The following PPFIA2 variants were observed in gnomAD, a reference collection of about 807,000 sequenced individuals.
PPFIA2 encodes PPFI scaffold protein A2, also known as liprin-alpha-2.
Under a neutral mutation model 175.5 loss-of-function variants are expected in PPFIA2, and 46 were observed. That is an observed-to-expected ratio of 0.26 (90% CI 0.21 to 0.34). The LOEUF (loss-of-function observed/expected upper bound fraction) is 0.34. Ranked by LOEUF, PPFIA2 falls within the 10% of genes least tolerant of loss-of-function variation. The pLI is 1.00. For synonymous variants in PPFIA2, 568 were observed against 511.4 expected (o/e 1.11, Z -1.49); for missense variants, 1,179 against 1,506.1 (o/e 0.78, Z 3.60).
chr12:81,595,098 G>C (rs549319297), intron 4 of PPFIA2, among the ~76,000 whole-genome samples: 6 of 151,964 alleles, frequency 3.9e-5, no homozygotes, highest in Admixed American at 3.9e-4. Context: ...AACACATTAA[G>C]TCATGATTAA....
intron 3 of PPFIA2, among the ~76,000 whole-genome samples, chr12:81,699,310 C>T (rs1208154246): frequency 6.6e-6 from 1 of 151,676 alleles, no homozygotes; most frequent in East Asian, 1.9e-4. Flanking sequence ...AAACATTATA[C>T]CAAATTATTT....
intron 31 of PPFIA2, among the ~76,000 whole-genome samples, chr12:81,262,650 T>C (rs2035993695): frequency 6.6e-6 from 1 of 152,234 alleles, no homozygotes; most frequent in South Asian, 2.1e-4. Context: ...TGACTTTTCT[T>C]TTGTAAATTA....
chr12:81,632,049 T>C (rs539363455), intron 4 of PPFIA2, among the ~76,000 whole-genome samples: 28 of 152,304 alleles, frequency 1.8e-4, no homozygotes, highest in African/African-American at 6.3e-4. Context: ...TTATAAACCA[T>C]TAACATATAC....
intron 4 of PPFIA2, among the ~76,000 whole-genome samples, chr12:81,538,776 A>T (rs1432060634): frequency 6.6e-6 from 1 of 151,896 alleles, no homozygotes; most frequent in Non-Finnish European, 1.5e-5. Flanking sequence ...AGGTGAAGTC[A>T]GAGCATGAGT....
intron 5 of PPFIA2, among the ~76,000 whole-genome samples, chr12:81,453,156 C>A (rs1332773567): frequency 8.3e-6 from 1 of 121,006 alleles, no homozygotes; most frequent in Non-Finnish European, 1.7e-5. Flanking sequence ...TCCCCCCACC[C>A]CACCACAGTC....
At chr12:81,727,292 C>A (rs891366765) in intron 3 of PPFIA2, among the ~76,000 whole-genome samples, 1 of 151,304 alleles carries the variant, frequency 6.6e-6, no homozygotes, top group Admixed American at 6.6e-5. Context: ...GAAATAAATT[C>A]TTTTCAATTG....
intron 7 of PPFIA2, among the ~76,000 whole-genome samples, chr12:81,415,374 A>C (rs2143140180): frequency 6.8e-6 from 1 of 147,494 alleles, no homozygotes; most frequent in South Asian, 2.1e-4. Flanking sequence ...AATTTGGCTG[A>C]CTAGTACTCC....
chr12:81,674,620 G>T (rs1247433211), intron 4 of PPFIA2, among the ~76,000 whole-genome samples: 1 of 151,988 alleles, frequency 6.6e-6, no homozygotes, highest in Admixed American at 6.6e-5. Context: ...GTGAGATCAG[G>T]CTACTGCACT....
chr12:81,570,171 T>C (rs1391812470), intron 4 of PPFIA2, among the ~76,000 whole-genome samples: 1 of 152,198 alleles, frequency 6.6e-6, no homozygotes, highest in Non-Finnish European at 1.5e-5. Context: ...TATATTATCT[T>C]GGGAATCAAA....
intron 9 of PPFIA2, among the ~76,000 whole-genome samples, chr12:81,382,367 T>C (rs1220006918): frequency 6.6e-6 from 1 of 152,064 alleles, no homozygotes; most frequent in East Asian, 1.9e-4. Context: ...AGGTAGTCAC[T>C]GAAAAGTTTT....
chr12:81,415,201 AAAAAAAAAAATATATATATATATATAT>A (rs2044833075), intron 7 of PPFIA2, among the ~76,000 whole-genome samples: 3 of 58,490 alleles, frequency 5.1e-5, no homozygotes, highest in Non-Finnish European at 6.7e-5. Context: ...AAAAAAAAAA[AAAAAAAAAAATATATATATATATATAT>A]ATATATATAT....
chr12:81,521,512 T>C (rs2063123242), intron 4 of PPFIA2, among the ~76,000 whole-genome samples: 2 of 152,160 alleles, frequency 1.3e-5, no homozygotes, highest in Admixed American at 6.5e-5. Context: ...AAAAGTAATG[T>C]CATCCAAAGG....
intron 4 of PPFIA2, among the ~76,000 whole-genome samples, chr12:81,626,044 T>C (rs2062662538): frequency 6.6e-6 from 1 of 151,646 alleles, no homozygotes; most frequent in South Asian, 2.1e-4. Context: ...AATGTCCAGT[T>C]TCAAAAGCAA....
intron 15 of PPFIA2, among the ~76,000 whole-genome samples, chr12:81,359,764 T>C (rs1040965025): frequency 2.0e-5 from 3 of 151,776 alleles, no homozygotes. Context: ...CCTAGGAGCA[T>C]TGTTTTCTTG....
chr12:81,352,985 G>C, intron 17 of PPFIA2, 134 bp downstream of exon 17: 1 of 696,374 alleles, frequency 1.4e-6, no homozygotes, highest in East Asian at 2.7e-5. Flanking sequence ...CAGTGTGTAC[G>C]GGGTGAGGTC....
At chr12:81,753,652 T>C (rs1019743762) in intron 3 of PPFIA2, among the ~76,000 whole-genome samples, 6 of 152,068 alleles carry the variant, frequency 3.9e-5, no homozygotes, top group Admixed American at 1.3e-4. Flanking sequence ...GTAAGAAAGA[T>C]AAAACTATCT....
chr12:81,541,626 T>C (rs1451791032), intron 4 of PPFIA2, among the ~76,000 whole-genome samples: 1 of 152,156 alleles, frequency 6.6e-6, no homozygotes, highest in Non-Finnish European at 1.5e-5. Context: ...CAACAAATAG[T>C]TCTCTTTCAT....
intron 23 of PPFIA2, 73 bp downstream of exon 23, chr12:81,299,228 C>CCGTT: frequency 6.8e-7 from 1 of 1,478,534 alleles, no homozygotes; most frequent in South Asian, 1.3e-5. Context: ...CAGAAACTTG[C>CCGTT]CGTTACCTGT....
intron 4 of PPFIA2, among the ~76,000 whole-genome samples, chr12:81,532,075 T>G (rs971064336): frequency 6.6e-6 from 1 of 151,818 alleles, no homozygotes; most frequent in Non-Finnish European, 1.5e-5. Context: ...CACAGTTACT[T>G]GAATCAAAAA....
Sources: allele counts gnomAD v4.1 joint callset (sites outside exome capture counted in the v4.1 genomes callset), GRCh38; gene constraint gnomAD v4.1.1; transcripts MANE v1.5; gene names NCBI Gene and HGNC (gene_info 2026-07-23, HGNC 2026-07-21).